Variants in OLA1 observed in about 807,000 individuals in gnomAD.
The protein encoded by OLA1 is obg-like ATPase 1.
In OLA1, 14 loss-of-function variants were observed where a neutral mutation model predicts 48.4. That is an observed-to-expected ratio of 0.29 (90% confidence interval 0.19 to 0.45). OLA1 has a LOEUF of 0.45. OLA1 is among the 20% of genes least tolerant of loss of function. OLA1 has a pLI of 1.00. For missense variants in OLA1, 325 were observed against 467.1 expected (o/e 0.70, Z 2.80); for synonymous variants, 127 against 150.4 (o/e 0.84, Z 1.14).
chr2:174,187,056 AAAAC>A (rs1357497865), intron 4 of OLA1, among the ~76,000 whole-genome samples: 4 of 152,366 alleles, frequency 2.6e-5, no homozygotes, highest in African/African-American at 7.2e-5. Context: ...ATATGATCAA[AAAAC>A]AAACAAAGAT....
intron 4 of OLA1, among the ~76,000 whole-genome samples, chr2:174,167,699 T>A (rs768559800): frequency 6.6e-6 from 1 of 152,172 alleles, no homozygotes; most frequent in Non-Finnish European, 1.5e-5. Flanking sequence ...ATAATCAATA[T>A]AAGAATATGA....
At chr2:174,082,092 T>G in intron 7 of OLA1, 28 bp from the exon 8 acceptor site, 1 of 1,611,500 alleles carries the variant, frequency 6.2e-7, no homozygotes, top group Non-Finnish European at 8.5e-7. Context: ...CACAACATTA[T>G]CTTGTAGTGC....
At chr2:174,205,963 G>GC (rs1416743571) in intron 4 of OLA1, among the ~76,000 whole-genome samples, 5 of 152,088 alleles carry the variant, frequency 3.3e-5, no homozygotes, top group African/African-American at 1.2e-4. Context: ...CTAGCAAATG[G>GC]CACTACCAAG....
intron 3 of OLA1, among the ~76,000 whole-genome samples, chr2:174,225,575 G>A (rs892904470): frequency 6.6e-6 from 1 of 151,822 alleles, no homozygotes; most frequent in Non-Finnish European, 1.5e-5. Context: ...CTGAGGCCTC[G>A]CCAGAAGCCA....
chr2:174,099,312 C>A (rs778129725), intron 7 of OLA1, among the ~76,000 whole-genome samples: 1 of 152,090 alleles, frequency 6.6e-6, no homozygotes, highest in Non-Finnish European at 1.5e-5. Flanking sequence ...CGTGCCACCA[C>A]GCCCAGCTAA....
At chr2:174,129,899 C>A (rs896364526) in intron 5 of OLA1, among the ~76,000 whole-genome samples, 1 of 152,058 alleles carries the variant, frequency 6.6e-6, no homozygotes, top group Non-Finnish European at 1.5e-5. Flanking sequence ...GTTATACTTA[C>A]CTTCAGGAAA....
At chr2:174,219,423 CTTTTTTT>C (rs372577919) in intron 4 of OLA1, among the ~76,000 whole-genome samples, 62 of 94,918 alleles carry the variant, frequency 6.5e-4, no homozygotes, top group East Asian at 2.5e-3. Flanking sequence ...TTTTATTTCC[CTTTTTTT>C]TTTTTTTTTT....
intron 7 of OLA1, among the ~76,000 whole-genome samples, chr2:174,086,405 T>C (rs1309753043): frequency 6.6e-6 from 1 of 152,118 alleles, no homozygotes; most frequent in Non-Finnish European, 1.5e-5. Context: ...TAGCCCCCAT[T>C]TTTCCGATGG....
chr2:174,186,944 T>C (rs1409869901), intron 4 of OLA1, among the ~76,000 whole-genome samples: 1 of 151,976 alleles, frequency 6.6e-6, no homozygotes, highest in East Asian at 1.9e-4. Context: ...CAGAAGTTAA[T>C]GAAAAACAGA....
At chr2:174,095,442 G>A (rs180788425) in intron 7 of OLA1, among the ~76,000 whole-genome samples, 40 of 149,026 alleles carry the variant, frequency 2.7e-4, no homozygotes, top group Non-Finnish European at 5.3e-4. Flanking sequence ...GATTACTGAC[G>A]TTGTGCATCT....
intron 7 of OLA1, among the ~76,000 whole-genome samples, chr2:174,092,501 T>TA (rs1288762600): frequency 2.6e-5 from 4 of 150,948 alleles, no homozygotes; most frequent in East Asian, 1.9e-4. Context: ...CCCGTCTCTA[T>TA]AAAAAAATAC....
At position 174,177,019 on chromosome 2, in the gene OLA1, A is replaced by T. The variant is rs549058444; in HGVS notation, c.374-35019T>A. Among the ~76,000 whole-genome samples the T allele has an allele frequency of 1.1e-3, 168 of 152,250 alleles. 1 individual carries two copies. The highest frequency in any genetic ancestry group is 3.7e-4 in the Non-Finnish European group (25 of 67,984). ...ACCTTTTTAGATCGTTAACTACCAC[A>T]GGAGTGCTGATTACACAGGCACCAG... On this transcript the variant is annotated intron_variant, in intron 4 of 10. Transcript: ENST00000284719.
At chr2:174,096,410 T>G (rs1278990550) in intron 7 of OLA1, among the ~76,000 whole-genome samples, 1 of 152,134 alleles carries the variant, frequency 6.6e-6, no homozygotes, top group Admixed American at 6.5e-5. Flanking sequence ...AAAGGGAGAA[T>G]TTTGTGTATG....
At chr2:174,119,997 TTTAG>T (rs1434981841) in intron 7 of OLA1, among the ~76,000 whole-genome samples, 3 of 151,600 alleles carry the variant, frequency 2.0e-5, no homozygotes, top group Admixed American at 6.6e-5. Context: ...TATCTAAAAG[TTTAG>T]TTATATTTTC....
chr2:174,093,342 A>G (rs925652158), intron 7 of OLA1, among the ~76,000 whole-genome samples: 12 of 151,930 alleles, frequency 7.9e-5, no homozygotes, highest in African/African-American at 2.9e-4. Context: ...GGTGGTGAGC[A>G]CCTATAGTCA....
chr2:174,242,894 T>C (rs1263268873), intron 2 of OLA1, among the ~76,000 whole-genome samples: 2 of 152,188 alleles, frequency 1.3e-5, no homozygotes, highest in Middle Eastern at 3.2e-3. Context: ...CAAATCTCCA[T>C]ATTCTTTCTA....
At position 174,073,167 on chromosome 2, in the gene OLA1, T is replaced by C. The variant is rs1245186440; in HGVS notation, c.*2259A>G. ...ATGATGCCCAGCTAATTTTTGTATATATGTATTTTTTTATGTAGAGATGAT... is the reference window on the plus strand; with the variant it reads ...ATGATGCCCAGCTAATTTTTGTATACATGTATTTTTTTATGTAGAGATGAT... On this transcript the variant is annotated 3_prime_UTR_variant, in exon 11 of 11. Coordinates refer to ENST00000284719, the MANE Select transcript of OLA1 (RefSeq NM_013341.5). The C allele has an allele frequency of 6.6e-6, 1 of 152,134 alleles. No individual in the cohort carries two copies. The highest frequency in any genetic ancestry group is 1.5e-5 in the Non-Finnish European group (1 of 68,044). 9.4% of individuals were successfully genotyped at this position (152,134 alleles called of 1,614,324 possible).
intron 4 of OLA1, among the ~76,000 whole-genome samples, chr2:174,176,685 C>T (rs974373683): frequency 1.3e-5 from 2 of 151,886 alleles, no homozygotes; most frequent in Non-Finnish European, 2.9e-5. Flanking sequence ...AACATTTCAC[C>T]GTGGTAAGGT....
chr2:174,157,839 T>C (rs932528092), intron 4 of OLA1, among the ~76,000 whole-genome samples: 1 of 152,042 alleles, frequency 6.6e-6, no homozygotes, highest in African/African-American at 2.4e-5. Flanking sequence ...TGGGTCCAAA[T>C]GAAAAGTACT....
Sources: allele counts gnomAD v4.1 joint callset (sites outside exome capture counted in the v4.1 genomes callset), GRCh38; gene constraint gnomAD v4.1.1; transcripts MANE v1.5; gene names NCBI Gene and HGNC (gene_info 2026-07-23, HGNC 2026-07-21).